The following SOX5 variants were observed in gnomAD, a reference collection of about 807,000 sequenced individuals.
SOX5 encodes the protein SRY-box transcription factor 5, also known as transcription factor SOX-5.
SOX5 carries 9 observed loss-of-function variants against 92.0 expected under a neutral mutation model. The observed-to-expected ratio is 0.10, with a 90% CI of 0.06 to 0.17. SOX5 has a LOEUF of 0.17. SOX5 is among the 10% of genes least tolerant of loss of function. SOX5 has a pLI of 1.00. For missense variants in SOX5, 642 were observed against 944.5 expected (o/e 0.68, Z 4.20); for synonymous variants, 344 against 336.3 (o/e 1.02, Z -0.25).
chr12:24,448,340 G>C (rs1460875519), intron 1 of SOX5, among the ~76,000 whole-genome samples: 1 of 152,084 alleles, frequency 6.6e-6, no homozygotes, highest in Admixed American at 6.5e-5. Context: ...TCAAATTGTA[G>C]CATCGGGTGA....
At chr12:23,587,382 T>G (rs1381362866) in intron 9 of SOX5, among the ~76,000 whole-genome samples, 2 of 152,122 alleles carry the variant, frequency 1.3e-5, no homozygotes, top group Admixed American at 6.6e-5. Context: ...GCCTCAGACT[T>G]GAACCCAAGT....
Position 23,924,862 on chromosome 12 carries a change from A to G in SOX5, c.38+24702T>C, listed in dbSNP as rs572834100. ...GTTAAGCTCATATGATTAAATCCCT[A>G]TCATTTTAATTTTAAACTTCTTTCA... On this transcript the variant is annotated intron_variant, in intron 1 of 14. Transcript: ENST00000451604. Among the ~76,000 whole-genome samples the G allele has an allele frequency of 2.0e-5, 3 of 152,248 alleles. No individual in the cohort carries two copies. In the South Asian group the frequency reaches 6.2e-4, roughly 32 times the overall value.
chr12:24,282,969 T>A (rs1392933934), intron 2 of SOX5, among the ~76,000 whole-genome samples: 1 of 152,230 alleles, frequency 6.6e-6, no homozygotes, highest in Non-Finnish European at 1.5e-5. Context: ...AGGCCTTATG[T>A]GAGTTTCTTT....
At chr12:24,214,912 A>G (rs1396139185) in intron 3 of SOX5, among the ~76,000 whole-genome samples, 1 of 152,110 alleles carries the variant, frequency 6.6e-6, no homozygotes, top group Non-Finnish European at 1.5e-5. Flanking sequence ...ATTACACTCT[A>G]TAACCAAGTA....
intron 4 of SOX5, among the ~76,000 whole-genome samples, chr12:24,189,323 C>G (rs1467670902): frequency 6.6e-6 from 1 of 152,160 alleles, no homozygotes; most frequent in Non-Finnish European, 1.5e-5. Context: ...ATTTCTTAAG[C>G]TGGAAACTCT....
chr12:23,923,627 C>T (rs1432144363), intron 1 of SOX5, among the ~76,000 whole-genome samples: 2 of 152,076 alleles, frequency 1.3e-5, no homozygotes, highest in Non-Finnish European at 2.9e-5. Flanking sequence ...GCAATCCCCG[C>T]CCCAAGCTCA....
chr12:23,858,970 A>C (rs560767481), intron 2 of SOX5, among the ~76,000 whole-genome samples: 13 of 152,290 alleles, frequency 8.5e-5, no homozygotes, highest in African/African-American at 2.6e-4. Flanking sequence ...ATACTCTTAT[A>C]ATTTCCTGCA....
In SOX5 at chr12:24,316,414, C is replaced by T. The variant is rs142280324; in HGVS notation, c.-173-39102G>A. 2.4e-3 allele frequency among the ~76,000 whole-genome samples: 368 copies of T among 152,266 alleles called. 2 individuals are homozygous for T. Among genetic ancestry groups the T allele is most frequent in the Middle Eastern group, 0.017 (5 of 294 alleles). On this transcript the variant is annotated intron_variant, in intron 2 of 4. Coordinates refer to the SOX5 transcript ENST00000446891. ...CATTCAGCAACAGACTTGATATTGG[C>T]ACAAGTTATCTGAATGATCTGCCAT... is the stretch of plus-strand genomic sequence containing the variant.
chr12:23,799,322 A>G (rs998866972), intron 3 of SOX5, among the ~76,000 whole-genome samples: 2 of 152,076 alleles, frequency 1.3e-5, no homozygotes, highest in Admixed American at 6.6e-5. Context: ...CCTTCCTTCT[A>G]ATGCCCATTA....
chr12:23,808,872 C>T (rs543480117), intron 3 of SOX5, among the ~76,000 whole-genome samples: 8 of 152,134 alleles, frequency 5.3e-5, no homozygotes, highest in African/African-American at 1.9e-4. Flanking sequence ...AATAGTGGAC[C>T]TATTAGGTTT....
At chr12:23,548,616 T>G (rs1217516853) in intron 11 of SOX5, among the ~76,000 whole-genome samples, 3 of 151,804 alleles carry the variant, frequency 2.0e-5, no homozygotes, top group African/African-American at 7.3e-5. Flanking sequence ...TATAACAGCA[T>G]GCAAATCAAA....
chr12:23,796,351 C>T (rs2095560703), intron 3 of SOX5, among the ~76,000 whole-genome samples: 1 of 151,900 alleles, frequency 6.6e-6, no homozygotes, highest in South Asian at 2.1e-4. Flanking sequence ...TGTAAGTATC[C>T]CTGGAGGATA....
At chr12:24,004,796 C>A (rs913963230) in intron 4 of SOX5, among the ~76,000 whole-genome samples, 2 of 151,874 alleles carry the variant, frequency 1.3e-5, no homozygotes, top group Non-Finnish European at 2.9e-5. Flanking sequence ...TACGTCCACA[C>A]AAATATTTGA....
At chr12:24,169,244 T>C (rs1953782901) in intron 4 of SOX5, among the ~76,000 whole-genome samples, 1 of 152,204 alleles carries the variant, frequency 6.6e-6, no homozygotes, top group South Asian at 2.1e-4. Context: ...TACTGATTTA[T>C]AAATGTATTA....
Position 24,016,614 on chromosome 12 carries a change from T to C in SOX5, c.-1-120590A>G, listed in dbSNP as rs118026295. 2.9e-3 allele frequency among the ~76,000 whole-genome samples: 439 copies of C among 152,294 alleles called. 14 individuals carry two copies. The South Asian group carries it at 0.064, about 22-fold the overall frequency. On this transcript the variant is annotated intron_variant, in intron 4 of 4. Coordinates refer to the SOX5 transcript ENST00000446891. ...AATGACTTTGGAGGAAAAATTGTTGTATTTGCTAATAACATTTGCAGAAAC... is the reference window on the plus strand; with the variant it reads ...AATGACTTTGGAGGAAAAATTGTTGCATTTGCTAATAACATTTGCAGAAAC...
At chr12:24,186,900 A>G (rs1446025158) in intron 4 of SOX5, among the ~76,000 whole-genome samples, 2 of 150,560 alleles carry the variant, frequency 1.3e-5, no homozygotes, top group Admixed American at 1.3e-4. Flanking sequence ...AATGAACACA[A>G]AATGCTTTTG....
At chr12:24,166,389 T>C (rs2139060175) in intron 4 of SOX5, among the ~76,000 whole-genome samples, 1 of 152,296 alleles carries the variant, frequency 6.6e-6, no homozygotes, top group Non-Finnish European at 1.5e-5. Flanking sequence ...GGTGGAAATA[T>C]AAATGTGTGT....
intron 1 of SOX5, among the ~76,000 whole-genome samples, chr12:24,509,089 G>A (rs912693650): frequency 3.9e-5 from 6 of 152,170 alleles, no homozygotes; most frequent in East Asian, 3.8e-4. Context: ...AAGTAGCAGC[G>A]TGATGGCCAG....
rs922947530 is a variant in SOX5, at chr12:24,517,834, C to A, written c.-251+44495G>T. Among the ~76,000 whole-genome samples, 8 of 151,552 alleles carry A rather than the reference C, an allele frequency of 5.3e-5. No homozygotes were observed. In the East Asian group the frequency reaches 1.6e-3, roughly 29 times the overall value. On this transcript the variant is annotated intron_variant, in intron 1 of 4. Transcript: ENST00000446891. ...TGTATCAGAATTCAAAAGTTATTAA[C>A]AAAATCCTACAGTAAATGGACCTCT...
Sources: allele counts gnomAD v4.1 joint callset (sites outside exome capture counted in the v4.1 genomes callset), GRCh38; gene constraint gnomAD v4.1.1; transcripts MANE v1.5; gene names NCBI Gene and HGNC (gene_info 2026-07-23, HGNC 2026-07-21).